Variants in DCTN4 observed in about 807,000 individuals in gnomAD.
DCTN4 encodes dynactin subunit 4.
Under a neutral mutation model 62.7 loss-of-function variants are expected in DCTN4, and 23 were observed. The observed-to-expected ratio is 0.37, with a 90% CI of 0.26 to 0.52. The LOEUF (loss-of-function observed/expected upper bound fraction) is 0.52. DCTN4 is among the 20% of genes least tolerant of loss of function. The pLI is 0.92. For synonymous variants in DCTN4, 199 were observed against 202.1 expected, an observed-to-expected ratio of 0.98 and a Z score of 0.13; for missense variants, 514 against 580.4, an observed-to-expected ratio of 0.89 and a Z score of 1.18.
chr5:150,750,796 C>T (rs1177768562), intron 3 of DCTN4, among the ~76,000 whole-genome samples: 1 of 152,100 alleles, frequency 6.6e-6, no homozygotes, highest in Non-Finnish European at 1.5e-5. Context: ...TTATCTCTAG[C>T]GGGCAGAGAG....
At chr5:150,745,189 A>G (rs1221161419) in intron 3 of DCTN4, among the ~76,000 whole-genome samples, 3 of 150,656 alleles carry the variant, frequency 2.0e-5, no homozygotes, top group Non-Finnish European at 4.4e-5. Flanking sequence ...CAAAAGAGAC[A>G]AAGAAGGCCA....
rs1228665128 is a variant in DCTN4 at position 150,709,668 on chromosome 5, C to T, written c.*1481G>A. 2.0e-5 allele frequency: 3 copies of T among 152,310 alleles called. No homozygotes were observed. The highest frequency in any genetic ancestry group is 7.2e-5 in the African/African-American group (3 of 41,432). 9.4% of individuals were successfully genotyped at this position (152,310 alleles called of 1,614,324 possible). A position where few individuals can be genotyped will look rare whatever the true frequency, so the allele number is the denominator to read the frequency against. On this transcript the variant is annotated 3_prime_UTR_variant, in exon 13 of 13. Transcript: ENST00000447998. ...TGGCTTGACCTTTGTACAATTAGTA[C>T]AATTTAGTGTCTTTTAGAGTACAAT...
intron 4 of DCTN4, among the ~76,000 whole-genome samples, chr5:150,741,630 G>A (rs573394857): frequency 7.9e-5 from 12 of 151,934 alleles, no homozygotes; most frequent in African/African-American, 2.9e-4. Flanking sequence ...ATAGGCATGC[G>A]CCACCACACT....
intron 3 of DCTN4, among the ~76,000 whole-genome samples, chr5:150,744,054 C>T (rs567418667): frequency 2.3e-4 from 35 of 152,156 alleles, no homozygotes; most frequent in African/African-American, 4.3e-4. Flanking sequence ...AAAATTTAGA[C>T]GAATGTATAA....
At chr5:150,756,542 T>G in intron 1 of DCTN4, 55 bp from the exon 2 acceptor site, 1 of 1,132,482 alleles carries the variant, frequency 8.8e-7, no homozygotes, top group South Asian at 1.4e-5. Flanking sequence ...GTTTAACTTG[T>G]GTATATGTCT....
At chr5:150,714,578 T>C (rs1395798292) in intron 12 of DCTN4, among the ~76,000 whole-genome samples, 3 of 151,876 alleles carry the variant, frequency 2.0e-5, no homozygotes, top group Non-Finnish European at 4.4e-5. Context: ...GAGTCTTAAC[T>C]CTATTCCTAG....
chr5:150,730,353 T>C (rs1760313483), intron 8 of DCTN4, among the ~76,000 whole-genome samples: 1 of 152,356 alleles, frequency 6.6e-6, no homozygotes, highest in East Asian at 1.9e-4. Flanking sequence ...TCACACTCTT[T>C]CACTATTCTT....
chr5:150,713,449 T>G (rs548854655), intron 12 of DCTN4, among the ~76,000 whole-genome samples: 12 of 149,292 alleles, frequency 8.0e-5, no homozygotes, highest in Non-Finnish European at 8.9e-5. Flanking sequence ...TCTTTTCTTT[T>G]TTTTTTTTTT....
chr5:150,756,554 G>T, intron 1 of DCTN4, 67 bp from the exon 2 acceptor site: 1 of 958,492 alleles, frequency 1.0e-6, no homozygotes, highest in Non-Finnish European at 1.6e-6. Context: ...TATATGTCTT[G>T]TCAAATAGTG....
At chr5:150,727,673 G>T (rs1289889733) in intron 8 of DCTN4, among the ~76,000 whole-genome samples, 5 of 150,388 alleles carry the variant, frequency 3.3e-5, no homozygotes, top group Non-Finnish European at 5.9e-5. Context: ...CTACTCGGGA[G>T]GCTGAGGCAG....
chr5:150,732,861 C>T (rs974997075), intron 5 of DCTN4, among the ~76,000 whole-genome samples: 2 of 152,152 alleles, frequency 1.3e-5, no homozygotes, highest in African/African-American at 4.8e-5. Flanking sequence ...AAAAATTCTA[C>T]TTGCATATAT....
Position 150,745,514 on chromosome 5 carries a change from A to G in DCTN4, c.386-3357T>C, listed in dbSNP as rs187938178. Among the ~76,000 whole-genome samples the G allele has an allele frequency of 4.4e-3, 676 of 152,302 alleles. 4 individuals are homozygous for G. Among genetic ancestry groups the G allele is most frequent in the African/African-American group, 0.016 (649 of 41,546 alleles). On this transcript the variant is annotated intron_variant, in intron 3 of 12. Transcript: ENST00000447998. ...TTTTTTTCAGCACCACACCACACCC[A>G]TTCCAAAACTGACCACATAGTTGGA...
At chr5:150,731,807 C>T (rs374579609) in intron 5 of DCTN4, 90 of 1,341,030 alleles carry the variant, frequency 6.7e-5, no homozygotes, top group East Asian at 6.5e-4. Flanking sequence ...CTAAGATACA[C>T]AACAGACGTC....
In DCTN4 at chr5:150,733,386, A is replaced by G; in HGVS notation, c.519T>C (p.Tyr173=). The change falls in exon 5 of 13, where the codon TAT becomes TAC. Residue 173 remains tyrosine, a synonymous_variant. Coordinates refer to ENST00000447998, the MANE Select transcript of DCTN4 (RefSeq NM_016221.4). ...TTCTCACCGAAAAAGCCAGAGGCAT[A>G]TAGTTTCTACGTCGTGCCAGTTTCT... ...DRKKLARRRN[Y]MPLAFSDKYG... is the part of the protein sequence containing the mutation. 1.2e-6 allele frequency: 2 copies of G among 1,613,768 alleles called. No homozygotes were observed. Among genetic ancestry groups the G allele is most frequent in the Non-Finnish European group, 1.7e-6 (2 of 1,179,780 alleles).
In DCTN4 at chr5:150,722,993, C is replaced by G. The variant is rs779351177; in HGVS notation, c.835-13G>C. 3 of 1,572,870 alleles carry G rather than the reference C, an allele frequency of 1.9e-6. No individual in the cohort carries two copies. Among genetic ancestry groups the G allele is most frequent in the South Asian group, 2.2e-5 (2 of 89,290 alleles). ...TATGTTCACATTTCTAAAAAGAAAA[C>G]AAATATAACACGTATCAGAAGACAA... On this transcript the variant is annotated splice_polypyrimidine_tract_variant and intron_variant, in intron 8 of 12. Transcript: ENST00000447998.
At chr5:150,739,958 C>G (rs544436174) in intron 4 of DCTN4, among the ~76,000 whole-genome samples, 1 of 152,086 alleles carries the variant, frequency 6.6e-6, no homozygotes, top group Non-Finnish European at 1.5e-5. Context: ...AATCTAAGAC[C>G]TGAAACCATA....
rs1482346937 is a variant in DCTN4, at chr5:150,725,993, C to G, written c.835-3013G>C. ...TCTTGGCTCACTGCAACCTCCGCCT[C>G]CTGGGTACAACCAATTCTCCTGCCT... is the stretch of plus-strand genomic sequence containing the variant. On this transcript the variant is annotated intron_variant, in intron 8 of 12. Transcript: ENST00000447998. Among the ~76,000 whole-genome samples the G allele has an allele frequency of 5.9e-5, 9 of 152,184 alleles. No homozygotes were observed. The East Asian group carries it at 1.7e-3, about 29-fold the overall frequency.
intron 3 of DCTN4, among the ~76,000 whole-genome samples, chr5:150,746,392 TA>T (rs1474178597): frequency 1.3e-5 from 2 of 152,176 alleles, no homozygotes; most frequent in Non-Finnish European, 2.9e-5. Context: ...CTTCTGAAAC[TA>T]TTCCAATCAA....
intron 8 of DCTN4, among the ~76,000 whole-genome samples, chr5:150,723,486 T>C (rs1196876745): frequency 2.6e-5 from 4 of 152,194 alleles, no homozygotes; most frequent in Non-Finnish European, 5.9e-5. Context: ...TGATTACTTT[T>C]GAGATAGGGT....
Sources: gnomAD v4.1 joint callset for allele counts (sites outside exome capture counted in the v4.1 genomes callset) on GRCh38, gnomAD v4.1.1 for gene constraint, MANE v1.5 for transcripts, NCBI Gene and HGNC (gene_info 2026-07-23, HGNC 2026-07-21) for gene names.